ZNF345: variants seen among roughly 807,000 people sequenced by gnomAD.
ZNF345 encodes the protein zinc finger protein 345.
For missense variants in ZNF345, 527 were observed against 589.9 expected (o/e 0.89, Z 1.10); for synonymous variants, 166 against 187.9 (o/e 0.88, Z 0.95).
At chr19:36,868,002 CT>C (rs569167997) in intron 2 of ZNF345, among the ~76,000 whole-genome samples, 1,470 of 126,988 alleles carry the variant, frequency 0.012, 5 homozygotes, top group Non-Finnish European at 0.016. Flanking sequence ...TGAGGAGTGG[CT>C]TTTTTTTTTT....
chr19:36,891,059 G>A (rs187581297), intron 3 of ZNF345: 1 of 156,840 alleles, frequency 6.4e-6, no homozygotes, highest in East Asian at 1.9e-4. Context: ...AAGTTAAGAT[G>A]AGGTCACCAG....
intron 3 of ZNF345, among the ~76,000 whole-genome samples, chr19:36,886,870 T>C (rs1187219078): frequency 6.7e-6 from 1 of 150,270 alleles, no homozygotes; most frequent in Non-Finnish European, 1.5e-5. Context: ...GGTGGGCGCC[T>C]GTAATCCCAG....
chr19:36,889,323 G>A (rs966674991), intron 3 of ZNF345: 2 of 152,148 alleles, frequency 1.3e-5, no homozygotes, highest in African/African-American at 4.8e-5. Flanking sequence ...ATGAGTTAGG[G>A]AGGATTCCCT....
intron 3 of ZNF345, chr19:36,891,796 G>C: frequency 6.2e-7 from 1 of 1,614,092 alleles, no homozygotes; most frequent in Admixed American, 1.7e-5. Flanking sequence ...ACTATTAAAG[G>C]CCTTCCCACA....
chr19:36,864,194 A>G (rs993183192), intron 2 of ZNF345, among the ~76,000 whole-genome samples: 4 of 152,214 alleles, frequency 2.6e-5, no homozygotes, highest in African/African-American at 7.2e-5. Context: ...GTAAGAAGTA[A>G]AGGAAACTCT....
At chr19:36,856,079 CTT>C (rs2146127774) in intron 2 of ZNF345, among the ~76,000 whole-genome samples, 1 of 152,316 alleles carries the variant, frequency 6.6e-6, no homozygotes, top group African/African-American at 2.4e-5. Context: ...GTGCACAACA[CTT>C]AATACACATC....
chr19:36,877,998 C>G lies in ZNF345; in HGVS notation c.1168C>G (p.Leu390Val), dbSNP rs765315745. The change falls in exon 3 of 3, where the codon CTA becomes GTA. Residue 390 changes from leucine (L) to valine (V), a missense_variant. Transcript: ENST00000420450. ...GSGSKLIQHQ[L>V]IHTGERPYEC... The stretch of plus-strand genomic sequence containing the variant: ...TGGCTCAAAACTTATCCAACACCAG[C>G]TAATCCATACTGGTGAAAGACCCTA... 4.3e-6 allele frequency: 7 copies of G among 1,612,104 alleles called. No homozygotes were observed. The South Asian group carries it at 7.7e-5, about 18-fold the overall frequency.
intron 2 of ZNF345, among the ~76,000 whole-genome samples, chr19:36,875,977 A>T (rs1288342312): frequency 6.6e-6 from 1 of 152,120 alleles, no homozygotes; most frequent in Non-Finnish European, 1.5e-5. Flanking sequence ...GAGGTTCAGG[A>T]TATTTATATA....
At chr19:36,871,862 G>A (rs2072777096) in intron 2 of ZNF345, among the ~76,000 whole-genome samples, 1 of 151,978 alleles carries the variant, frequency 6.6e-6, no homozygotes, top group African/African-American at 2.4e-5. Context: ...CCGCCTCCTG[G>A]GTACAAGCGA....
chr19:36,853,240 T>G (rs1412880060), intron 2 of ZNF345, among the ~76,000 whole-genome samples: 1 of 148,724 alleles, frequency 6.7e-6, no homozygotes, highest in African/African-American at 2.5e-5. Context: ...TTGCTTTCTT[T>G]CTTTCTTTTT....
rs781088904 is a variant in ZNF345, at chr19:36,891,952, C to T, written c.47-866C>T. Reference sequence around the variant, plus strand: ...TCTCAGATGTAGAAAAAGTTGTGAACTTTTAGTAAAGGCTTTTCCACATAC... The same window carrying T: ...TCTCAGATGTAGAAAAAGTTGTGAATTTTTAGTAAAGGCTTTTCCACATAC... On this transcript the variant is annotated intron_variant, in intron 3 of 3. Transcript: ENST00000526123. The T allele has an allele frequency of 9.9e-6, 16 of 1,613,804 alleles. No individual in the cohort carries two copies. The Admixed American group carries it at 1.7e-4, about 17-fold the overall frequency.
rs771691099 is a variant in ZNF345 at position 36,878,271 on chromosome 19, C to T, written c.1441C>T (p.Leu481Phe). Residue 481 changes from leucine to phenylalanine, a missense_variant, in exon 3 of 3, where the codon CTC becomes TTC. Physicochemically the swap from Leu to Phe is conservative, Grantham distance 22. Transcript: ENST00000420450. ...TAAGAAAAGTCATAATGGTAAGAAA[C>T]TCTGCGAATTGGAAACTATAAATTG... ...QHKKSHNGKK[L>F]CELETIN The T allele has an allele frequency of 2.5e-6, 4 of 1,580,042 alleles. No individual in the cohort carries two copies. Among genetic ancestry groups the T allele is most frequent in the African/African-American group, 2.7e-5 (2 of 73,086 alleles).
At chr19:36,859,890 A>G (rs2072508493) in intron 2 of ZNF345, among the ~76,000 whole-genome samples, 1 of 151,772 alleles carries the variant, frequency 6.6e-6, no homozygotes, top group African/African-American at 2.4e-5. Context: ...ACACACACAC[A>G]CACACACACA....
intron 2 of ZNF345, among the ~76,000 whole-genome samples, chr19:36,859,908 C>A (rs989303978): frequency 6.6e-6 from 1 of 150,860 alleles, no homozygotes. Context: ...ACAGACACAC[C>A]CTACACACAT....
chr19:36,880,883 G>A (rs988793397), downstream of ZNF345, among the ~76,000 whole-genome samples: 23 of 152,122 alleles, frequency 1.5e-4, no homozygotes, highest in African/African-American at 5.6e-4. Flanking sequence ...AATATACAGA[G>A]GAAATTTTAT....
intron 3 of ZNF345, chr19:36,891,767 G>A: frequency 6.2e-7 from 1 of 1,614,140 alleles, no homozygotes; most frequent in Non-Finnish European, 8.5e-7. Context: ...ATTCTGTGAT[G>A]GTTAGTAAGT....
intron 2 of ZNF345, among the ~76,000 whole-genome samples, chr19:36,874,874 C>G (rs913647038): frequency 7.9e-5 from 12 of 152,128 alleles, no homozygotes; most frequent in Admixed American, 3.9e-4. Context: ...TTTACAAATT[C>G]CTTTTCATTC....
intron 2 of ZNF345, among the ~76,000 whole-genome samples, chr19:36,857,365 G>C (rs2072442190): frequency 6.6e-6 from 1 of 151,934 alleles, no homozygotes; most frequent in African/African-American, 2.4e-5. Context: ...GGAGTGCAGC[G>C]GCGCCATCTT....
chr19:36,869,000 G>A (rs1311375002), intron 2 of ZNF345, among the ~76,000 whole-genome samples: 1 of 152,118 alleles, frequency 6.6e-6, no homozygotes, highest in Non-Finnish European at 1.5e-5. Flanking sequence ...TTCATGTTAA[G>A]TCTTCTAATC....
Sources: gnomAD v4.1 joint callset for allele counts (sites outside exome capture counted in the v4.1 genomes callset) on GRCh38, gnomAD v4.1.1 for gene constraint, MANE v1.5 for transcripts, NCBI Gene and HGNC (gene_info 2026-07-23, HGNC 2026-07-21) for gene names.